Variants in SLC9D1 observed in about 807,000 individuals in gnomAD.
SLC9D1 encodes the protein putative LAG1-interacting protein.
At chr13:113,494,247 T>TG in the SLC9D1 span, among the ~76,000 whole-genome samples, 16 of 152,338 alleles carry the variant, frequency 1.1e-4, 1 homozygote, top group South Asian at 2.5e-3. Context: ...GTGTTGGTTT[T>TG]GTTGCCTTTT....
At chr13:113,524,687 G>T in the SLC9D1 span, among the ~76,000 whole-genome samples, 2 of 151,936 alleles carry the variant, frequency 1.3e-5, no homozygotes, top group Admixed American at 1.3e-4. Flanking sequence ...CACTTTATCT[G>T]ATATTAAAAT....
chr13:113,503,443 A>G, the SLC9D1 span: 1 of 1,419,824 alleles, frequency 7.0e-7, no homozygotes, highest in South Asian at 1.2e-5. Context: ...AGTTAAGTAT[A>G]CTTAATATGT....
chr13:113,501,990 A>G, the SLC9D1 span: 3 of 856,796 alleles, frequency 3.5e-6, no homozygotes, highest in Non-Finnish European at 5.4e-6. Flanking sequence ...AGCTTCGTAT[A>G]AACCATTTCA....
the SLC9D1 span, among the ~76,000 whole-genome samples, chr13:113,502,489 A>C: frequency 5.3e-5 from 8 of 152,182 alleles, no homozygotes; most frequent in African/African-American, 1.9e-4. Flanking sequence ...CTGAGATTAC[A>C]GGCATGAGCC....
the SLC9D1 span, among the ~76,000 whole-genome samples, chr13:113,530,838 C>G: frequency 2.6e-5 from 4 of 152,172 alleles, no homozygotes; most frequent in African/African-American, 7.2e-5. Flanking sequence ...ATATGAATAA[C>G]TGAGTTTGAA....
the SLC9D1 span, among the ~76,000 whole-genome samples, chr13:113,538,948 G>A: frequency 6.6e-6 from 1 of 152,218 alleles, no homozygotes; most frequent in Non-Finnish European, 1.5e-5. Context: ...CGGGGCTGTT[G>A]CTTGTCGTCC....
the SLC9D1 span, among the ~76,000 whole-genome samples, chr13:113,518,625 G>A: frequency 1.5e-3 from 225 of 152,250 alleles, no homozygotes; most frequent in African/African-American, 5.2e-3. Context: ...GACTCATCTC[G>A]CAGCCTCCCT....
At chr13:113,540,187 G>A in the SLC9D1 span, among the ~76,000 whole-genome samples, 3 of 152,334 alleles carry the variant, frequency 2.0e-5, no homozygotes, top group East Asian at 3.9e-4. Flanking sequence ...TGTGAATGGC[G>A]CGGTGATGAA....
chr13:113,497,384 G>C, the SLC9D1 span, among the ~76,000 whole-genome samples: 4 of 147,882 alleles, frequency 2.7e-5, no homozygotes, highest in African/African-American at 1.0e-4. Context: ...GAGACCAGCT[G>C]TGTGTGAGAC....
At chr13:113,547,243 G>A in the SLC9D1 span, 1 of 1,291,006 alleles carries the variant, frequency 7.7e-7, no homozygotes. Flanking sequence ...GTGAGAAATA[G>A]TGTGCGCTGG....
chr13:113,537,349 T>C, the SLC9D1 span, among the ~76,000 whole-genome samples: 7 of 152,360 alleles, frequency 4.6e-5, no homozygotes, highest in Middle Eastern at 3.4e-3. Flanking sequence ...CTCGAGGCCA[T>C]GGAGCCACTT....
chr13:113,506,263 G>A, the SLC9D1 span, among the ~76,000 whole-genome samples: 1 of 116,508 alleles, frequency 8.6e-6, no homozygotes. Flanking sequence ...GTTATGGGTG[G>A]GGAGGGTAAG....
chr13:113,521,428 T>C, the SLC9D1 span, among the ~76,000 whole-genome samples: 1 of 151,630 alleles, frequency 6.6e-6, no homozygotes, highest in Admixed American at 6.6e-5. Context: ...GCATGTGTGG[T>C]GTGCGTGTTT....
chr13:113,537,900 C>T, the SLC9D1 span, among the ~76,000 whole-genome samples: 6 of 152,080 alleles, frequency 3.9e-5, no homozygotes, highest in South Asian at 4.2e-4. Flanking sequence ...TGTGTGTGTG[C>T]GTGCATGTGC....
the SLC9D1 span, among the ~76,000 whole-genome samples, chr13:113,526,254 C>T: frequency 2.6e-5 from 4 of 151,986 alleles, no homozygotes; most frequent in South Asian, 2.1e-4. Context: ...TAGAAAAAAA[C>T]GTATAGAATA....
At chr13:113,496,039 A>G in the SLC9D1 span, 1 of 1,564,422 alleles carries the variant, frequency 6.4e-7, no homozygotes, top group Non-Finnish European at 8.7e-7. Context: ...AGTCCTAGAG[A>G]GGGAGAGAGA....
chr13:113,548,152 G>A, the SLC9D1 span: 3 of 809,706 alleles, frequency 3.7e-6, no homozygotes, highest in Admixed American at 5.7e-5. Context: ...GCCTTCGGGT[G>A]TTTGGAGTGC....
the SLC9D1 span, chr13:113,528,691 T>TAGAGGGTCCTTGTGATA: frequency 1.3e-5 from 2 of 151,964 alleles, no homozygotes; most frequent in Non-Finnish European, 2.9e-5. Flanking sequence ...GTTCACTCGC[T>TAGAGGGTCCTTGTGATA]AGAGGGTCCT....
chr13:113,548,482 TCGGGCGGCA>T, the SLC9D1 span: 1 of 1,589,606 alleles, frequency 6.3e-7, no homozygotes, highest in Non-Finnish European at 8.6e-7. Flanking sequence ...GGAGCGCTTC[TCGGGCGGCA>T]CGGGCTGCAC....
Sources: allele counts gnomAD v4.1 joint callset (sites outside exome capture counted in the v4.1 genomes callset), GRCh38; gene constraint gnomAD v4.1.1; transcripts MANE v1.5; gene names NCBI Gene and HGNC (gene_info 2026-07-23, HGNC 2026-07-21).